Variants in CPB2 observed in about 807,000 individuals in gnomAD.
CPB2 encodes the protein carboxypeptidase B2.
In CPB2, 54 loss-of-function variants were observed where a neutral mutation model predicts 57.0. The ratio of observed to expected loss-of-function variants is 0.95; its 90% CI spans 0.76 to 1.19. The LOEUF (loss-of-function observed/expected upper bound fraction) is 1.19. Ranked by LOEUF, CPB2 falls within the 50% of genes most tolerant of loss-of-function variation. The pLI is 0.00. For missense variants in CPB2, 426 were observed against 512.0 expected, an observed-to-expected ratio of 0.83 and a Z score of 1.62; for synonymous variants, 189 against 178.1, an observed-to-expected ratio of 1.06 and a Z score of -0.49.
intron 3 of CPB2, 82 bp from the exon 4 acceptor site, chr13:46,082,631 G>A (rs980708629): frequency 7.9e-6 from 6 of 763,902 alleles, no homozygotes; most frequent in Non-Finnish European, 1.3e-5. Context: ...CACAGCAGGT[G>A]AGCATGAAGA....
chr13:46,076,426 A>G (rs2045023654), intron 5 of CPB2, among the ~76,000 whole-genome samples: 1 of 151,796 alleles, frequency 6.6e-6, no homozygotes, highest in Non-Finnish European at 1.5e-5. Flanking sequence ...AAATCTAACC[A>G]AAGAAGTGAA....
At chr13:46,102,035 G>T (rs2045440642) in intron 1 of CPB2, among the ~76,000 whole-genome samples, 1 of 152,218 alleles carries the variant, frequency 6.6e-6, no homozygotes, top group South Asian at 2.1e-4. Context: ...GCCACTGGTG[G>T]CCTGTTCTTT....
chr13:46,084,952 G>T (rs957780811), intron 2 of CPB2, among the ~76,000 whole-genome samples: 1 of 151,580 alleles, frequency 6.6e-6, no homozygotes, highest in Non-Finnish European at 1.5e-5. Context: ...CCGAGTTCTC[G>T]CCATTCTCCT....
At chr13:46,082,333 A>AT (rs1285705101) in intron 4 of CPB2, 108 bp downstream of exon 4, 6 of 634,948 alleles carry the variant, frequency 9.4e-6, no homozygotes, top group African/African-American at 9.1e-5. Context: ...TTTGTGTTTT[A>AT]TTTTTTACCA....
Position 46,055,778 on chromosome 13 carries a change from A to C in CPB2, c.1071T>G (p.His357Gln), listed in dbSNP as rs202020888. ...ISKNTRYTHG[H>Q]GSETLYLAPG... ...AATACTTACATAAGGTTTCTGAGCC[A>C]TGGCCATGTGTATACCTGGTATTTT... The change falls in exon 10 of 11, where the codon CAT (histidine) becomes CAG (glutamine). Residue 357 changes from histidine to glutamine, a missense_variant. Transcript: ENST00000181383. The C allele has an allele frequency of 2.5e-6, 4 of 1,590,006 alleles. No homozygotes were observed. Among genetic ancestry groups the C allele is most frequent in the East Asian group, 4.5e-5 (2 of 44,240 alleles).
chr13:46,102,821 T>C (rs17843984), intron 1 of CPB2, among the ~76,000 whole-genome samples: 3,384 of 152,240 alleles, frequency 0.022, 54 homozygotes, highest in Non-Finnish European at 0.03. Flanking sequence ...CAGATATTCA[T>C]CTGTCTACAA....
chr13:46,069,405 A>G (rs1005831453), intron 6 of CPB2, among the ~76,000 whole-genome samples: 2 of 152,228 alleles, frequency 1.3e-5, no homozygotes, highest in Admixed American at 1.3e-4. Context: ...GTGTATTCAT[A>G]GAGTTTTGCA....
chr13:46,082,600 T>C, intron 3 of CPB2, 51 bp from the exon 4 acceptor site: 2 of 1,211,990 alleles, frequency 1.7e-6, no homozygotes, highest in Non-Finnish European at 2.4e-6. Context: ...GGGTGGATCT[T>C]CCCACATGGC....
At chr13:46,091,888 A>T (rs982447696) in intron 1 of CPB2, among the ~76,000 whole-genome samples, 1 of 152,222 alleles carries the variant, frequency 6.6e-6, no homozygotes, top group African/African-American at 2.4e-5. Flanking sequence ...TAAGGAGAGA[A>T]AGGAAGCAGT....
chr13:46,071,176 G>A (rs1292708020), intron 6 of CPB2, among the ~76,000 whole-genome samples: 3 of 152,158 alleles, frequency 2.0e-5, no homozygotes, highest in African/African-American at 7.2e-5. Context: ...GAAATTGAGG[G>A]TTCGGATGAA....
At chr13:46,064,780 A>T in intron 7 of CPB2, 39 bp from the exon 8 acceptor site, 3 of 1,533,246 alleles carry the variant, frequency 2.0e-6, no homozygotes, top group Non-Finnish European at 2.7e-6. Context: ...CTGGGTAGCC[A>T]CGTTCAAGGC....
chr13:46,087,751 T>A lies in CPB2; in HGVS notation c.144A>T (p.Thr48=). 6.2e-7 allele frequency: 1 copy of A among 1,605,514 alleles called. No homozygotes were observed. The highest frequency in any genetic ancestry group is 1.3e-5 in the African/African-American group (1 of 74,774). ...TAAATTAGGGAGAAATTACCTCATATGTTGTAGTAAGATTCTGTAGAACTT... is the reference window on the plus strand; with the variant it reads ...TAAATTAGGGAGAAATTACCTCATAAGTTGTAGTAAGATTCTGTAGAACTT... The part of the protein sequence containing the change: ...QVQVLQNLTT[T]YEIVLWQPVT... The change falls in exon 2 of 11, where the codon ACA becomes ACT. Residue 48 remains threonine, a synonymous_variant. Coordinates refer to ENST00000181383, the MANE Select transcript of CPB2 (RefSeq NM_001872.5).
At chr13:46,061,092 A>G (rs1188442453) in intron 8 of CPB2, among the ~76,000 whole-genome samples, 2 of 152,172 alleles carry the variant, frequency 1.3e-5, no homozygotes, top group Non-Finnish European at 2.9e-5. Context: ...TCTTTGGGAC[A>G]ATTAAAAAAT....
chr13:46,072,838 A>G (rs192391640), intron 6 of CPB2, among the ~76,000 whole-genome samples: 1 of 152,270 alleles, frequency 6.6e-6, no homozygotes, highest in Admixed American at 6.5e-5. Flanking sequence ...TCCCTTCACT[A>G]CCTAAAATAA....
At chr13:46,090,737 T>G (rs199582448) in intron 1 of CPB2, among the ~76,000 whole-genome samples, 1 of 149,106 alleles carries the variant, frequency 6.7e-6, no homozygotes, top group Admixed American at 6.7e-5. Context: ...TTTTTTTTTC[T>G]TTTTGAGACG....
chr13:46,091,928 G>A (rs2045298949), intron 1 of CPB2, among the ~76,000 whole-genome samples: 1 of 152,158 alleles, frequency 6.6e-6, no homozygotes, highest in Admixed American at 6.5e-5. Context: ...TCTGTTAACG[G>A]CAATGGCATT....
At chr13:46,096,257 C>T in intron 1 of CPB2, 1 of 152,390 alleles carries the variant, frequency 6.6e-6, no homozygotes, top group East Asian at 1.9e-4. Context: ...TGCTTCCTTC[C>T]TTTCCTCTCT....
intron 8 of CPB2, among the ~76,000 whole-genome samples, chr13:46,063,836 T>C (rs1158600226): frequency 6.6e-6 from 1 of 152,130 alleles, no homozygotes; most frequent in African/African-American, 2.4e-5. Context: ...ATTCCCACTG[T>C]GCTGCTTTTT....
At chr13:46,055,704 TCA>T in intron 10 of CPB2, 56 bp downstream of exon 10, 1 of 1,002,806 alleles carries the variant, frequency 1.0e-6, no homozygotes. Flanking sequence ...GAAAAACAGA[TCA>T]CACAGATTTC....
Sources: allele counts gnomAD v4.1 joint callset (sites outside exome capture counted in the v4.1 genomes callset), GRCh38; gene constraint gnomAD v4.1.1; transcripts MANE v1.5; gene names NCBI Gene and HGNC (gene_info 2026-07-23, HGNC 2026-07-21).